The following SCAF8 variants were observed in gnomAD, a reference collection of about 807,000 sequenced individuals.
SCAF8 encodes SR-related CTD associated factor 8.
Under a neutral mutation model 140.5 loss-of-function variants are expected in SCAF8, and 23 were observed. That is an observed-to-expected ratio of 0.16 (90% CI 0.12 to 0.23). SCAF8 has a LOEUF of 0.23. SCAF8 is among the 10% of genes least tolerant of loss of function. The pLI, the probability that SCAF8 is intolerant of heterozygous loss-of-function variation, is 1.00. For missense variants in SCAF8, 1,397 were observed against 1,555.7 expected (o/e 0.90, Z 1.72); for synonymous variants, 575 against 528.9 (o/e 1.09, Z -1.20).
intron 15 of SCAF8, 40 bp from the exon 16 acceptor site, chr6:154,822,236 C>T: frequency 6.4e-7 from 1 of 1,571,030 alleles, no homozygotes; most frequent in Non-Finnish European, 8.6e-7. Context: ...TGAAAAGTTG[C>T]ACCTATCCAA....
chr6:154,816,031 C>T (rs1254034059), intron 13 of SCAF8, among the ~76,000 whole-genome samples: 2 of 152,038 alleles, frequency 1.3e-5, no homozygotes, highest in Non-Finnish European at 2.9e-5. Context: ...ACAAAATGTT[C>T]TTGAGTTTTA....
intron 9 of SCAF8, 25 bp from the exon 10 acceptor site, chr6:154,808,045 G>A (rs1011321399): frequency 8.2e-6 from 13 of 1,583,618 alleles, no homozygotes; most frequent in Non-Finnish European, 1.1e-5. Flanking sequence ...CCCAATCTTT[G>A]TGTGTTTGTA....
intron 3 of SCAF8, among the ~76,000 whole-genome samples, chr6:154,778,460 G>A (rs909720384): frequency 6.6e-6 from 1 of 152,050 alleles, no homozygotes; most frequent in Non-Finnish European, 1.5e-5. Context: ...TGTTTTCTCA[G>A]TATTTAAAAT....
intron 1 of SCAF8, among the ~76,000 whole-genome samples, chr6:154,757,537 TTATAC>T (rs917379410): frequency 2.2e-4 from 34 of 152,320 alleles, no homozygotes; most frequent in African/African-American, 7.9e-4. Flanking sequence ...CTTTGAAACC[TTATAC>T]TAAACTACTG....
chr6:154,752,761 G>A (rs891687332), intron 1 of SCAF8, among the ~76,000 whole-genome samples: 7 of 151,988 alleles, frequency 4.6e-5, no homozygotes, highest in Non-Finnish European at 7.4e-5. Context: ...TCACTCTGTC[G>A]CCCAGGCTAG....
chr6:154,772,224 C>G (rs1342648777), intron 1 of SCAF8, among the ~76,000 whole-genome samples: 5 of 152,182 alleles, frequency 3.3e-5, no homozygotes, highest in African/African-American at 7.2e-5. Context: ...TTGCAGTGTT[C>G]TGATGGCCAA....
intron 2 of SCAF8, among the ~76,000 whole-genome samples, chr6:154,776,995 A>G (rs965789214): frequency 3.3e-5 from 5 of 152,242 alleles, no homozygotes; most frequent in African/African-American, 4.8e-5. Context: ...AGCCTGGCCA[A>G]CATGGCGAAA....
intron 9 of SCAF8, among the ~76,000 whole-genome samples, chr6:154,806,912 A>G (rs1168814793): frequency 6.6e-6 from 1 of 152,220 alleles, no homozygotes; most frequent in Non-Finnish European, 1.5e-5. Flanking sequence ...ACAAAGTTGT[A>G]ACTCAAAACA....
chr6:154,745,904 G>A (rs1268807495), intron 1 of SCAF8, among the ~76,000 whole-genome samples: 1 of 151,904 alleles, frequency 6.6e-6, no homozygotes, highest in African/African-American at 2.4e-5. Context: ...TTTGGCGACA[G>A]AGTCTCACTC....
intron 10 of SCAF8, 51 bp downstream of exon 10, chr6:154,808,252 A>G (rs758082568): frequency 6.5e-7 from 1 of 1,538,372 alleles, no homozygotes; most frequent in Non-Finnish European, 9.0e-7. Flanking sequence ...TAGCTAAAGA[A>G]ATCATAAAAT....
intron 3 of SCAF8, among the ~76,000 whole-genome samples, chr6:154,779,825 CTAA>C (rs1777034085): frequency 6.7e-6 from 1 of 149,124 alleles, no homozygotes; most frequent in South Asian, 2.1e-4. Flanking sequence ...TACTTTTGAG[CTAA>C]TTGTAGATTC....
In SCAF8 at chr6:154,733,553, A is replaced by T; in HGVS notation, c.-348A>T. The T allele has an allele frequency of 7.8e-7, 1 of 1,286,358 alleles. No individual in the cohort carries two copies. The highest frequency in any genetic ancestry group is 9.8e-7 in the Non-Finnish European group (1 of 1,018,164). The allele number at this position is 1,286,358 out of a possible 1,614,324, so 79.7% of individuals were successfully genotyped here. A position where few individuals can be genotyped will look rare whatever the true frequency, so the allele number is the denominator to read the frequency against. On this transcript the variant is annotated 5_prime_UTR_variant, in exon 1 of 20. It removes the in-frame stop codon of an upstream open reading frame in the 5' UTR. Coordinates refer to ENST00000367178, the MANE Select transcript of SCAF8 (RefSeq NM_014892.5). ...AGGGGCAGAAGGGAGTGGAGAGTGT[A>T]GGGGAAGGGGCTAGAGGGAGGGGGA...
intron 10 of SCAF8, 43 bp downstream of exon 10, chr6:154,808,244 G>A: frequency 6.4e-7 from 1 of 1,564,002 alleles, no homozygotes; most frequent in Non-Finnish European, 8.8e-7. Flanking sequence ...TCTAAAAGTA[G>A]CTAAAGAAAT....
intron 6 of SCAF8, among the ~76,000 whole-genome samples, chr6:154,798,280 G>T (rs1777666725): frequency 6.6e-6 from 1 of 151,468 alleles, no homozygotes; most frequent in South Asian, 2.1e-4. Context: ...TGAACAATTG[G>T]TTCAGGAAAG....
At chr6:154,788,686 A>G (rs1026949099) in intron 4 of SCAF8, among the ~76,000 whole-genome samples, 2 of 152,228 alleles carry the variant, frequency 1.3e-5, no homozygotes, top group Non-Finnish European at 2.9e-5. Flanking sequence ...TTAACTGCAT[A>G]TTAAAATTCT....
chr6:154,810,687 T>G (rs564100377), intron 12 of SCAF8, among the ~76,000 whole-genome samples: 1 of 152,300 alleles, frequency 6.6e-6, no homozygotes, highest in South Asian at 2.1e-4. Context: ...CAATTACGTA[T>G]GATTAGAACA....
At chr6:154,735,124 CAAAA>C (rs539040149) in intron 1 of SCAF8, among the ~76,000 whole-genome samples, 1 of 68,664 alleles carries the variant, frequency 1.5e-5, no homozygotes, top group Admixed American at 1.6e-4. Flanking sequence ...ACTCTGTCTA[CAAAA>C]AAAAAAAAAA....
At chr6:154,782,182 C>G (rs1376166602) in intron 3 of SCAF8, among the ~76,000 whole-genome samples, 1 of 152,098 alleles carries the variant, frequency 6.6e-6, no homozygotes, top group Non-Finnish European at 1.5e-5. Flanking sequence ...TTGGGAGGGG[C>G]CAAGGCTGGG....
chr6:154,812,582 C>A (rs1778128964), intron 12 of SCAF8, among the ~76,000 whole-genome samples: 1 of 152,038 alleles, frequency 6.6e-6, no homozygotes, highest in Non-Finnish European at 1.5e-5. Flanking sequence ...GTATCAATTT[C>A]CTGTGGTTTG....
Sources: allele counts gnomAD v4.1 joint callset (sites outside exome capture counted in the v4.1 genomes callset), GRCh38; gene constraint gnomAD v4.1.1; transcripts MANE v1.5; gene names NCBI Gene and HGNC (gene_info 2026-07-23, HGNC 2026-07-21).